The following ADCK1 variants were observed in gnomAD, a reference collection of about 807,000 sequenced individuals.
ADCK1 encodes aarF domain containing kinase 1.
A neutral mutation model predicts 52.3 loss-of-function variants in ADCK1; 41 were observed. That is an observed-to-expected ratio of 0.78 (90% CI 0.61 to 1.02). The LOEUF is 1.02. Ranked by LOEUF, ADCK1 falls within the 50% of genes least tolerant of loss-of-function variation. The pLI, the probability that ADCK1 is intolerant of heterozygous loss-of-function variation, is 0.00. For missense variants in ADCK1, 658 were observed against 679.5 expected, an observed-to-expected ratio of 0.97 and a Z score of 0.35; for synonymous variants, 250 against 274.6, an observed-to-expected ratio of 0.91 and a Z score of 0.89.
chr14:77,880,540 G>A (rs576580664), intron 4 of ADCK1, among the ~76,000 whole-genome samples: 15 of 152,302 alleles, frequency 9.8e-5, no homozygotes, highest in Non-Finnish European at 1.9e-4. Flanking sequence ...TGCTCTGAGC[G>A]GGAAGCTGGT....
intron 3 of ADCK1, among the ~76,000 whole-genome samples, chr14:77,857,970 C>A (rs2082456631): frequency 6.6e-6 from 1 of 152,160 alleles, no homozygotes; most frequent in Admixed American, 6.5e-5. Context: ...TACCAAGGCC[C>A]TCAACTGGGC....
At chr14:77,891,260 C>T (rs1433820527) in intron 5 of ADCK1, among the ~76,000 whole-genome samples, 1 of 152,160 alleles carries the variant, frequency 6.6e-6, no homozygotes, top group Non-Finnish European at 1.5e-5. Context: ...AGCAGGATTG[C>T]TGGGTGGCCC....
chr14:77,823,588 A>G (rs995526059), intron 3 of ADCK1, among the ~76,000 whole-genome samples: 1 of 150,212 alleles, frequency 6.7e-6, no homozygotes, highest in Non-Finnish European at 1.5e-5. Flanking sequence ...TTATTTATTT[A>G]TTTATTTATT....
intron 1 of ADCK1, among the ~76,000 whole-genome samples, chr14:77,805,987 C>CTT (rs530925697): frequency 0.08 from 7,025 of 87,614 alleles, 341 homozygotes; most frequent in Non-Finnish European, 0.094. Flanking sequence ...ATTCTTACGG[C>CTT]TTTTTTTTTT....
chr14:77,902,569 G>A (rs1050469227), intron 6 of ADCK1: 4 of 152,204 alleles, frequency 2.6e-5, no homozygotes, highest in African/African-American at 9.7e-5. Flanking sequence ...TCCCAAGCTT[G>A]TTGCTGTGCT....
chr14:77,829,716 A>G lies in ADCK1; in HGVS notation c.219+7198A>G, dbSNP rs191074956. ...TCTGACAGTGATAAACCTGCCTCTT[A>G]TCTACAATATATTTCCTTATTTGTT... On this transcript the variant is annotated intron_variant, in intron 3 of 10. Coordinates refer to ENST00000238561, the MANE Select transcript of ADCK1 (RefSeq NM_020421.4). Among the ~76,000 whole-genome samples, 29 of 151,548 alleles carry G rather than the reference A, an allele frequency of 1.9e-4. 1 individual carries two copies. In the East Asian group the frequency reaches 5.1e-3, roughly 26 times the overall value.
At chr14:77,902,197 G>A (rs12433306) in intron 6 of ADCK1, among the ~76,000 whole-genome samples, 9,229 of 152,272 alleles carry the variant, frequency 0.061, 350 homozygotes, top group South Asian at 0.13. Flanking sequence ...TTGAGAATCC[G>A]CAGGAGGAAG....
rs2081526638 is a variant in ADCK1, at chr14:77,819,109, C to G, written c.131C>G (p.Ala44Gly). The change falls in exon 2 of 11, where the codon GCT becomes GGT. Residue 44 changes from alanine to glycine, a missense_variant. Coordinates refer to ENST00000238561, the MANE Select transcript of ADCK1 (RefSeq NM_020421.4). ...GCTGTCAGGGTGGGCAGAGCAGTTGCTACGGTAGGTTTTTCCCTTTTGGGG... is the reference window on the plus strand; with the variant it reads ...GCTGTCAGGGTGGGCAGAGCAGTTGGTACGGTAGGTTTTTCCCTTTTGGGG... ...FGAVRVGRAV[A>G]TTAVISYDYL... The G allele has an allele frequency of 5.1e-6, 8 of 1,569,492 alleles. No individual in the cohort carries two copies. The highest frequency in any genetic ancestry group is 6.9e-6 in the Non-Finnish European group (8 of 1,156,436).
chr14:77,923,396 G>A lies in ADCK1; in HGVS notation c.859-1061G>A, dbSNP rs537649689. 6.6e-6 allele frequency: 1 copy of A among 152,550 alleles called. No homozygotes were observed. The highest frequency in any genetic ancestry group is 2.4e-5 in the African/African-American group (1 of 41,580). 9.4% of individuals were successfully genotyped at this position (152,550 alleles called of 1,614,324 possible). On this transcript the variant is annotated intron_variant, in intron 7 of 10. Transcript: ENST00000238561. The surrounding 1 kb of genome is among the most constrained non-coding windows in gnomAD (Gnocchi z 4.3). ...GGGAAGAGAAAGAGTGAATATGGCTGGAATGTCAGTGTGGTGTGAGATGAG... is the reference window on the plus strand; with the variant it reads ...GGGAAGAGAAAGAGTGAATATGGCTAGAATGTCAGTGTGGTGTGAGATGAG...
In ADCK1 at chr14:77,864,387, C is replaced by T. The variant is rs769290698; in HGVS notation, c.423+5108C>T. Among the ~76,000 whole-genome samples, 10 of 152,282 alleles carry T rather than the reference C, an allele frequency of 6.6e-5. 1 individual carries two copies. Among genetic ancestry groups the T allele is most frequent in the Non-Finnish European group, 1.0e-4 (7 of 68,038 alleles). ...ACTTGTTGGTGGTAGAGGCAGAGAG[C>T]AGGCACTGTAGGCGCAAGGACCAGC... On this transcript the variant is annotated intron_variant, in intron 4 of 10. Transcript: ENST00000238561.
intron 4 of ADCK1, among the ~76,000 whole-genome samples, chr14:77,867,869 C>T (rs185740372): frequency 1.3e-5 from 2 of 152,178 alleles, no homozygotes; most frequent in Admixed American, 1.3e-4. Context: ...ATAAGAGAGC[C>T]TTCACATGAA....
At chr14:77,897,118 G>A (rs868593466) in intron 5 of ADCK1, among the ~76,000 whole-genome samples, 14 of 152,296 alleles carry the variant, frequency 9.2e-5, no homozygotes, top group Middle Eastern at 3.4e-3. Context: ...AGGTCTTTTG[G>A]TACCAACAGG....
Position 77,904,966 on chromosome 14 carries a change from C to T in ADCK1, c.742-2837C>T, listed in dbSNP as rs114823097. Among the ~76,000 whole-genome samples the T allele has an allele frequency of 3.5e-3, 531 of 152,296 alleles. 4 individuals are homozygous for T. The highest frequency in any genetic ancestry group is 0.012 in the African/African-American group (514 of 41,552). ...TCACTTCACCCCACACCCCCAGGTC[C>T]TCCTGCCCATCTGGTGATTTAGGCG... On this transcript the variant is annotated intron_variant, in intron 6 of 10. Coordinates refer to ENST00000238561, the MANE Select transcript of ADCK1 (RefSeq NM_020421.4).
chr14:77,907,629 T>C lies in ADCK1; in HGVS notation c.742-174T>C, dbSNP rs145769361. On this transcript the variant is annotated intron_variant, in intron 6 of 10. Transcript: ENST00000238561. ...CTGAGCAGAGGTGGAGTAGCCAGCC[T>C]CCCTCTTGGCCTGGCTGTCCCATCC... Among the ~76,000 whole-genome samples, 10 of 152,312 alleles carry C rather than the reference T, an allele frequency of 6.6e-5. No individual in the cohort carries two copies. The East Asian group carries it at 1.7e-3, about 26-fold the overall frequency.
intron 5 of ADCK1, among the ~76,000 whole-genome samples, chr14:77,894,733 C>CTTTTTTTTTTTTTT (rs1566710773): frequency 2.6e-4 from 10 of 38,396 alleles, no homozygotes; most frequent in East Asian, 8.7e-4. Context: ...CTTTTCTTTT[C>CTTTTTTTTTTTTTT]TTGTTTTTTT....
intron 3 of ADCK1, among the ~76,000 whole-genome samples, chr14:77,852,907 AT>A (rs71303864): frequency 2.2e-3 from 63 of 28,934 alleles, no homozygotes; most frequent in African/African-American, 0.012. Flanking sequence ...ATATATATAT[AT>A]TTTTTTTTTT....
At chr14:77,842,893 T>TTTC (rs753020349) in intron 3 of ADCK1, among the ~76,000 whole-genome samples, 9,744 of 81,906 alleles carry the variant, frequency 0.12, 317 homozygotes, top group African/African-American at 0.19. Flanking sequence ...TCTTTCTTTC[T>TTTC]TTTTTTTTTT....
At chr14:77,814,538 C>G (rs1163369575) in intron 1 of ADCK1, among the ~76,000 whole-genome samples, 1 of 151,358 alleles carries the variant, frequency 6.6e-6, no homozygotes, top group African/African-American at 2.4e-5. Flanking sequence ...GAGTTGGAGA[C>G]CAGCCTGAGC....
chr14:77,905,748 A>G (rs967661081), intron 6 of ADCK1, among the ~76,000 whole-genome samples: 2 of 152,146 alleles, frequency 1.3e-5, no homozygotes, highest in African/African-American at 4.8e-5. Context: ...CAGGAGTTCG[A>G]GGCTGCAGTG....
Sources: gnomAD v4.1 joint callset for allele counts (sites outside exome capture counted in the v4.1 genomes callset) on GRCh38, gnomAD v4.1.1 for gene constraint, Gnocchi (gnomAD v3.1) non-coding constraint, MANE v1.5 for transcripts, NCBI Gene and HGNC (gene_info 2026-07-23, HGNC 2026-07-21) for gene names.